TFEC: variants seen among roughly 807,000 people sequenced by gnomAD.
The protein encoded by TFEC is class E basic helix-loop-helix protein 34.
TFEC carries 31 observed loss-of-function variants against 41.6 expected under a neutral mutation model. The ratio of observed to expected loss-of-function variants is 0.74; its 90% CI spans 0.56 to 1.01. The LOEUF is 1.01. Among genes scored for constraint, TFEC ranks in the 50% least tolerant of loss-of-function variants. The pLI is 0.00. For missense variants in TFEC, 402 were observed against 404.1 expected (o/e 0.99, Z 0.04); for synonymous variants, 143 against 140.6 (o/e 1.02, Z -0.12).
At chr7:116,001,534 AAAAC>A (rs950331673) in intron 1 of TFEC, among the ~76,000 whole-genome samples, 6 of 151,768 alleles carry the variant, frequency 4.0e-5, no homozygotes, top group African/African-American at 7.3e-5. Context: ...AAAAAACACA[AAAAC>A]AAACAAACAA....
chr7:116,156,296 A>G (rs1429462401), intron 1 of TFEC, among the ~76,000 whole-genome samples: 1 of 152,214 alleles, frequency 6.6e-6, no homozygotes, highest in Non-Finnish European at 1.5e-5. Flanking sequence ...GTGTAAACAA[A>G]TTTGAATATT....
chr7:116,140,130 A>G (rs1256897012), intron 1 of TFEC, among the ~76,000 whole-genome samples: 1 of 152,218 alleles, frequency 6.6e-6, no homozygotes, highest in African/African-American at 2.4e-5. Context: ...GAGGAAATCC[A>G]TTCATTGGCT....
intron 3 of TFEC, among the ~76,000 whole-genome samples, chr7:116,053,813 A>C (rs886687996): frequency 6.6e-6 from 1 of 152,222 alleles, no homozygotes; most frequent in Non-Finnish European, 1.5e-5. Context: ...AACTATAAGA[A>C]ATAAATTACT....
At chr7:115,961,146 T>C (rs1792524242) in intron 3 of TFEC, among the ~76,000 whole-genome samples, 1 of 151,674 alleles carries the variant, frequency 6.6e-6, no homozygotes, top group Non-Finnish European at 1.5e-5. Flanking sequence ...AAATGTTAAA[T>C]CTCAGCCCAA....
intron 1 of TFEC, among the ~76,000 whole-genome samples, chr7:116,134,084 A>G (rs1156944993): frequency 2.6e-5 from 4 of 152,236 alleles, no homozygotes; most frequent in African/African-American, 7.2e-5. Context: ...TTGTAGAAAA[A>G]TTCTACATGC....
chr7:116,158,978 CAAT>C (rs1468003144), intron 1 of TFEC, among the ~76,000 whole-genome samples: 10 of 151,814 alleles, frequency 6.6e-5, no homozygotes, highest in African/African-American at 2.4e-4. Context: ...CATGCTTAAG[CAAT>C]AATGAAAATT....
intron 3 of TFEC, chr7:116,110,630 A>G (rs2116086144): frequency 9.3e-7 from 1 of 1,075,586 alleles, no homozygotes; most frequent in East Asian, 3.2e-5. Flanking sequence ...TTTGAGTACA[A>G]TTAAAACAGA....
At chr7:115,941,507 G>T (rs1252799828) in intron 7 of TFEC, 1 of 206,596 alleles carries the variant, frequency 4.8e-6, no homozygotes, top group Non-Finnish European at 9.5e-6. Context: ...ATAATGTAGA[G>T]AAACAAATGT....
intron 1 of TFEC, among the ~76,000 whole-genome samples, chr7:116,151,918 A>C (rs865855804): frequency 6.6e-6 from 1 of 152,160 alleles, no homozygotes; most frequent in Non-Finnish European, 1.5e-5. Context: ...AATTTCTAGA[A>C]GATTTTTCAT....
chr7:115,978,512 A>G (rs1793484887), intron 2 of TFEC, among the ~76,000 whole-genome samples: 2 of 152,092 alleles, frequency 1.3e-5, no homozygotes, highest in South Asian at 4.2e-4. Context: ...AGATCACCTG[A>G]ACAATTTTTA....
rs771993254 is a variant in TFEC at position 116,012,307 on chromosome 7, A to G, written c.-73+18326T>C. Among the ~76,000 whole-genome samples, 67 of 152,288 alleles carry G rather than the reference A, an allele frequency of 4.4e-4. 1 individual carries two copies. The highest frequency in any genetic ancestry group is 2.7e-3 in the Admixed American group (42 of 15,276). On this transcript the variant is annotated intron_variant, in intron 1 of 7. Coordinates refer to ENST00000265440, the MANE Select transcript of TFEC (RefSeq NM_012252.4). ...AGACATTTTGCTTCAGAAATCAACAATTGTGTTTAGATGATGTTTTACACT... is the reference window on the plus strand; with the variant it reads ...AGACATTTTGCTTCAGAAATCAACAGTTGTGTTTAGATGATGTTTTACACT...
chr7:115,978,034 T>C (rs77040765), intron 2 of TFEC, among the ~76,000 whole-genome samples: 3,401 of 152,100 alleles, frequency 0.022, 66 homozygotes, highest in Middle Eastern at 0.038. Flanking sequence ...CATAAGAAAT[T>C]GTAACTGTTA....
intron 1 of TFEC, among the ~76,000 whole-genome samples, chr7:116,023,250 C>A (rs910177265): frequency 2.6e-5 from 4 of 152,116 alleles, no homozygotes; most frequent in African/African-American, 7.2e-5. Flanking sequence ...TTCTGCAGTG[C>A]CACTTTGGAT....
chr7:115,975,164 T>C (rs1302371664), intron 2 of TFEC, among the ~76,000 whole-genome samples: 1 of 151,968 alleles, frequency 6.6e-6, no homozygotes, highest in Non-Finnish European at 1.5e-5. Flanking sequence ...CCTTCCCTTC[T>C]GTACTTTAGC....
At chr7:116,115,327 C>G (rs1354415013) in intron 1 of TFEC, among the ~76,000 whole-genome samples, 1 of 152,018 alleles carries the variant, frequency 6.6e-6, no homozygotes, top group African/African-American at 2.4e-5. Context: ...TGCTCTTATA[C>G]TTCTGTAGTA....
chr7:116,083,111 A>G (rs1040664262), intron 3 of TFEC, among the ~76,000 whole-genome samples: 1 of 151,918 alleles, frequency 6.6e-6, no homozygotes, highest in South Asian at 2.1e-4. Context: ...GAAAATATTT[A>G]AAATTCTAAA....
intron 1 of TFEC, among the ~76,000 whole-genome samples, chr7:116,158,884 GAAGT>G (rs1798921202): frequency 6.6e-6 from 1 of 151,924 alleles, no homozygotes; most frequent in Admixed American, 6.6e-5. Flanking sequence ...TTAAAAAGAT[GAAGT>G]AACAAAAATG....
chr7:115,984,618 A>T, intron 1 of TFEC, 105 bp from the exon 2 acceptor site: 1 of 1,318,978 alleles, frequency 7.6e-7, no homozygotes, highest in Non-Finnish European at 1.0e-6. Flanking sequence ...ACACTATAGC[A>T]TCTAGTTTCT....
At chr7:116,082,388 A>G (rs1797111474) in intron 3 of TFEC, among the ~76,000 whole-genome samples, 1 of 152,000 alleles carries the variant, frequency 6.6e-6, no homozygotes, top group Non-Finnish European at 1.5e-5. Context: ...GGTATCTAAG[A>G]GCTCTTAAAA....
Sources: gnomAD v4.1 joint callset for allele counts (sites outside exome capture counted in the v4.1 genomes callset) on GRCh38, gnomAD v4.1.1 for gene constraint, MANE v1.5 for transcripts, NCBI Gene and HGNC (gene_info 2026-07-23, HGNC 2026-07-21) for gene names.